The following PCDHGA5 variants were observed in gnomAD, a reference collection of about 807,000 sequenced individuals.
The protein encoded by PCDHGA5 is protocadherin gamma subfamily A, 5.
Under a neutral mutation model 56.7 loss-of-function variants are expected in PCDHGA5, and 36 were observed. The ratio of observed to expected loss-of-function variants is 0.64; its 90% CI spans 0.49 to 0.84. The LOEUF (loss-of-function observed/expected upper bound fraction) is 0.84, where lower values mean the gene tolerates loss of function less well. PCDHGA5 is among the 40% of genes least tolerant of loss of function. The pLI is 0.00. For missense variants in PCDHGA5, 1,305 were observed against 1,201.5 expected (o/e 1.09, Z -1.27); for synonymous variants, 563 against 520.2 (o/e 1.08, Z -1.12).
rs1369501221 is a variant in PCDHGA5 at position 141,493,257 on chromosome 5, A to G, written c.2422-1550A>G. On this transcript the variant is annotated intron_variant, in intron 1 of 3. Coordinates refer to ENST00000518069, the MANE Select transcript of PCDHGA5 (RefSeq NM_018918.3). The surrounding 1 kb of genome is among the most constrained non-coding windows in gnomAD (Gnocchi z 4.3). ...GGCTAGGTACTAACATGCCTCTCTT[A>G]TAACAGCTTCACAGAGGTCAAGTGA... Among the ~76,000 whole-genome samples the G allele has an allele frequency of 6.6e-6, 1 of 152,190 alleles. No individual in the cohort carries two copies. Among genetic ancestry groups the G allele is most frequent in the South Asian group, 2.1e-4 (1 of 4,830 alleles).
At chr5:141,434,553 G>T (rs1203568173) in intron 1 of PCDHGA5, among the ~76,000 whole-genome samples, 1 of 152,202 alleles carries the variant, frequency 6.6e-6, no homozygotes, top group Admixed American at 6.5e-5. Flanking sequence ...AGTGATCTGT[G>T]CCTTAAGGAC....
In PCDHGA5 at chr5:141,371,090, C is replaced by G. The variant is rs764906419; in HGVS notation, c.2421+4339C>G. The G allele has an allele frequency of 5.0e-6, 8 of 1,613,702 alleles. No homozygotes were observed. The East Asian group carries it at 1.8e-4, about 36-fold the overall frequency. On this transcript the variant is annotated intron_variant, in intron 1 of 3. Transcript: ENST00000518069. ...GTACCACCCAGATCAGGGTAATTGT[C>G]GCAGATGCAAATGATAACCCCCCAG...
chr5:141,465,021 C>A (rs974818222), intron 1 of PCDHGA5, among the ~76,000 whole-genome samples: 1 of 152,100 alleles, frequency 6.6e-6, no homozygotes, highest in Non-Finnish European at 1.5e-5. Flanking sequence ...AGATTACAGC[C>A]ATGAACCACC....
intron 1 of PCDHGA5, chr5:141,372,529 C>G: frequency 6.2e-7 from 1 of 1,614,042 alleles, no homozygotes; most frequent in Non-Finnish European, 8.5e-7. Flanking sequence ...CTGGCAATCT[C>G]CCTGCGCCTG....
chr5:141,475,990 A>T, intron 1 of PCDHGA5: 1 of 1,140,672 alleles, frequency 8.8e-7, no homozygotes, highest in Non-Finnish European at 1.2e-6. Context: ...CGGCGAGCAA[A>T]TCAACGGCAT....
intron 1 of PCDHGA5, among the ~76,000 whole-genome samples, chr5:141,448,948 A>C (rs918513864): frequency 6.6e-6 from 1 of 152,170 alleles, no homozygotes; most frequent in African/African-American, 2.4e-5. Flanking sequence ...GCAACTCAAA[A>C]AAACAAACAA....
chr5:141,474,022 A>G (rs929139769), intron 1 of PCDHGA5, among the ~76,000 whole-genome samples: 1 of 152,160 alleles, frequency 6.6e-6, no homozygotes, highest in African/African-American at 2.4e-5. Flanking sequence ...GTGAGCTATG[A>G]TTATTCCACT....
Position 141,476,878 on chromosome 5 carries a change from G to A in PCDHGA5, c.2422-17929G>A. 2 of 1,613,960 alleles carry A rather than the reference G, an allele frequency of 1.2e-6. No homozygotes were observed. The highest frequency in any genetic ancestry group is 1.7e-6 in the Non-Finnish European group (2 of 1,180,034). Reference sequence around the variant, plus strand: ...AGTCCTTGTACCGGGCGCGCGTCCTGGAGGATGCACCCTCCGGCACGCGCG... The same window carrying A: ...AGTCCTTGTACCGGGCGCGCGTCCTAGAGGATGCACCCTCCGGCACGCGCG... On this transcript the variant is annotated intron_variant, in intron 1 of 3. Transcript: ENST00000518069. This position sits in a 1 kb window ranked among gnomAD's most constrained non-coding sequence, Gnocchi z 7.6.
chr5:141,371,307 G>A lies in PCDHGA5; in HGVS notation c.2421+4556G>A, dbSNP rs1365898739. 5 of 1,613,970 alleles carry A rather than the reference G, an allele frequency of 3.1e-6. No individual in the cohort carries two copies. In the Admixed American group the frequency reaches 6.7e-5, roughly 22 times the overall value. On this transcript the variant is annotated intron_variant, in intron 1 of 3. Coordinates refer to ENST00000518069, the MANE Select transcript of PCDHGA5 (RefSeq NM_018918.3). ...TAAAACGGGGGAACTCACCACTATTGGAGAACTGGACTTTGAAGAGAGAGA... is the reference window on the plus strand; with the variant it reads ...TAAAACGGGGGAACTCACCACTATTAGAGAACTGGACTTTGAAGAGAGAGA...
chr5:141,402,977 C>T, intron 1 of PCDHGA5: 2 of 1,608,138 alleles, frequency 1.2e-6, no homozygotes, highest in Non-Finnish European at 8.5e-7. Flanking sequence ...CAAATGCCAG[C>T]TCCGCGGAAG....
chr5:141,376,576 T>G, intron 1 of PCDHGA5: 1 of 1,596,960 alleles, frequency 6.3e-7, no homozygotes, highest in Non-Finnish European at 8.5e-7. Context: ...TCAGACAGGC[T>G]CATCAGCTAG....
intron 1 of PCDHGA5, chr5:141,415,157 C>G: frequency 6.2e-7 from 1 of 1,613,864 alleles, no homozygotes. Context: ...CTCTCCGCCA[C>G]TGTCACGCTC....
At chr5:141,417,700 A>G in intron 1 of PCDHGA5, 1 of 1,180,094 alleles carries the variant, frequency 8.5e-7, no homozygotes, top group Admixed American at 3.0e-5. Flanking sequence ...ACCAGCTCCC[A>G]CACAGAGGCT....
At chr5:141,447,313 T>C (rs2098534296) in intron 1 of PCDHGA5, among the ~76,000 whole-genome samples, 1 of 152,146 alleles carries the variant, frequency 6.6e-6, no homozygotes, top group African/African-American at 2.4e-5. Context: ...CTAATTTTTG[T>C]ATTTTTAGTA....
At chr5:141,404,232 G>GTCCAC (rs2094500642) in intron 1 of PCDHGA5, 1 of 1,613,696 alleles carries the variant, frequency 6.2e-7, no homozygotes, top group African/African-American at 1.3e-5. Flanking sequence ...GCAACAGACA[G>GTCCAC]AGGAACTCCG....
At chr5:141,414,533 C>A in intron 1 of PCDHGA5, 1 of 1,613,960 alleles carries the variant, frequency 6.2e-7, no homozygotes, top group Non-Finnish European at 8.5e-7. Context: ...AATGACAACC[C>A]ACCTACCTTC....
intron 1 of PCDHGA5, chr5:141,405,415 G>GT (rs757320616): frequency 1.9e-6 from 3 of 1,559,568 alleles, no homozygotes; most frequent in South Asian, 2.3e-5. Context: ...TTCTTTTTTT[G>GT]TTTTTTGTTT....
intron 1 of PCDHGA5, chr5:141,399,483 C>G (rs753137844): frequency 6.2e-7 from 1 of 1,613,930 alleles, no homozygotes; most frequent in African/African-American, 1.3e-5. Context: ...ACCAGGCGTC[C>G]TACTTAGTCA....
At chr5:141,399,497 T>C in intron 1 of PCDHGA5, 1 of 1,614,030 alleles carries the variant, frequency 6.2e-7, no homozygotes, top group Non-Finnish European at 8.5e-7. Flanking sequence ...TTAGTCAGTG[T>C]ACCCGAAAAC....
Sources: allele counts gnomAD v4.1 joint callset (sites outside exome capture counted in the v4.1 genomes callset), GRCh38; gene constraint gnomAD v4.1.1; non-coding constraint Gnocchi (gnomAD v3.1); transcripts MANE v1.5; gene names NCBI Gene and HGNC (gene_info 2026-07-23, HGNC 2026-07-21).